The following MCPH1 variants were observed in gnomAD, a reference collection of about 807,000 sequenced individuals.
The protein encoded by MCPH1 is microcephalin 1.
In MCPH1, 104 loss-of-function variants were observed where a neutral mutation model predicts 84.5. The ratio of observed to expected loss-of-function variants is 1.23; its 90% CI spans 1.05 to 1.45. The LOEUF (loss-of-function observed/expected upper bound fraction) is 1.45. Among genes scored for constraint, MCPH1 ranks in the 40% most tolerant of loss-of-function variants. MCPH1 has a pLI of 0.00. For missense variants in MCPH1, 1,498 were observed against 1,005.7 expected, an observed-to-expected ratio of 1.49 and a Z score of -6.62; for synonymous variants, 514 against 366.8, an observed-to-expected ratio of 1.40 and a Z score of -4.58.
At chr8:6,519,283 C>T (rs988979323) in intron 12 of MCPH1, among the ~76,000 whole-genome samples, 4 of 152,098 alleles carry the variant, frequency 2.6e-5, no homozygotes, top group East Asian at 3.9e-4. Context: ...AAGACACCAC[C>T]GGTCTGTGGC....
At chr8:6,559,547 C>A (rs373037343) in intron 12 of MCPH1, among the ~76,000 whole-genome samples, 2 of 151,948 alleles carry the variant, frequency 1.3e-5, no homozygotes, top group Non-Finnish European at 2.9e-5. Flanking sequence ...TGTTTGCCTC[C>A]GTAGTAGGCA....
chr8:6,628,343 T>C (rs7011546), intron 13 of MCPH1, among the ~76,000 whole-genome samples: 2,322 of 151,496 alleles, frequency 0.015, 69 homozygotes, highest in African/African-American at 0.053. Flanking sequence ...TGGTGGCAGG[T>C]GCCTGTAGTC....
At chr8:6,627,412 C>A (rs1796819599) in intron 13 of MCPH1, 2 of 399,690 alleles carry the variant, frequency 5.0e-6, no homozygotes, top group Non-Finnish European at 3.4e-6. Flanking sequence ...GGTTTCCACA[C>A]CCAGGAGCTC....
chr8:6,507,826 G>A (rs2515411), intron 12 of MCPH1: 26,623 of 139,738 alleles, frequency 0.19, 2,937 homozygotes, highest in African/African-American at 0.32. Flanking sequence ...CAGGTGATCC[G>A]CCCTCCTTGG....
chr8:6,452,964 C>T (rs1355471296), intron 8 of MCPH1, among the ~76,000 whole-genome samples: 4 of 152,196 alleles, frequency 2.6e-5, no homozygotes, highest in Admixed American at 2.6e-4. Context: ...TGGATATAGC[C>T]AGCCATACCT....
chr8:6,411,219 A>C (rs1294592435), intron 2 of MCPH1, among the ~76,000 whole-genome samples: 2 of 152,176 alleles, frequency 1.3e-5, no homozygotes, highest in African/African-American at 4.8e-5. Context: ...TTTGAACTGT[A>C]CGGGTGCTGC....
intron 8 of MCPH1, chr8:6,446,548 A>C: frequency 1.0e-6 from 1 of 983,134 alleles, no homozygotes; most frequent in Non-Finnish European, 1.2e-6. Flanking sequence ...AACATATATT[A>C]AATTTGACAA....
chr8:6,455,253 G>C lies in MCPH1; in HGVS notation c.1935+1G>C. The C allele has an allele frequency of 6.3e-7, 1 of 1,596,104 alleles. No individual in the cohort carries two copies. The highest frequency in any genetic ancestry group is 8.6e-7 in the Non-Finnish European group (1 of 1,163,672). On this transcript the variant is annotated splice_donor_variant, in intron 9 of 13. Coordinates refer to ENST00000344683, the MANE Select transcript of MCPH1 (RefSeq NM_024596.5). LOFTEE classifies it high-confidence loss of function. ...GAAGAAAAGTGGGAGAGGCAAAAAG[G>C]TCAGTGTGTAAAAATATTATTTTAA...
At chr8:6,580,517 T>C (rs915323104) in intron 12 of MCPH1, among the ~76,000 whole-genome samples, 2 of 152,162 alleles carry the variant, frequency 1.3e-5, no homozygotes, top group African/African-American at 2.4e-5. Context: ...TAGCTGGGCA[T>C]GGTGGCGTGT....
intron 12 of MCPH1, among the ~76,000 whole-genome samples, chr8:6,575,777 G>A (rs1319288736): frequency 2.0e-5 from 3 of 152,178 alleles, no homozygotes; most frequent in Non-Finnish European, 4.4e-5. Context: ...TGTGAAGACA[G>A]ATACAGGAGG....
At chr8:6,474,273 T>G (rs1808146906) in intron 9 of MCPH1, 1 of 543,556 alleles carries the variant, frequency 1.8e-6, no homozygotes, top group Non-Finnish European at 3.4e-6. Flanking sequence ...TTAATGTATT[T>G]CAATCCTGAT....
chr8:6,496,046 A>G (rs921898385), intron 11 of MCPH1, among the ~76,000 whole-genome samples: 4 of 152,216 alleles, frequency 2.6e-5, no homozygotes, highest in Non-Finnish European at 4.4e-5. Context: ...ATTCAAGCAC[A>G]TTACACTTAT....
At chr8:6,543,967 G>A (rs1822076200) in intron 12 of MCPH1, among the ~76,000 whole-genome samples, 1 of 152,134 alleles carries the variant, frequency 6.6e-6, no homozygotes, top group Admixed American at 6.5e-5. Context: ...AATCTTTAAA[G>A]TTGCAATATA....
chr8:6,438,721 C>T (rs573470000), intron 5 of MCPH1, among the ~76,000 whole-genome samples: 4 of 152,284 alleles, frequency 2.6e-5, no homozygotes, highest in African/African-American at 9.6e-5. Flanking sequence ...ATATATTGTT[C>T]TTAGCACAGT....
chr8:6,570,574 T>G (rs977108172), intron 12 of MCPH1, among the ~76,000 whole-genome samples: 1 of 152,194 alleles, frequency 6.6e-6, no homozygotes, highest in African/African-American at 2.4e-5. Flanking sequence ...GACAATTATC[T>G]TTCTCCTTGC....
intron 13 of MCPH1, chr8:6,626,182 C>G (rs532843211): frequency 3.0e-6 from 3 of 985,214 alleles, no homozygotes; most frequent in Non-Finnish European, 3.6e-6. Flanking sequence ...TCAGCTCGCC[C>G]GCCACCCCAG....
At chr8:6,601,430 C>G (rs1305071155) in intron 12 of MCPH1, among the ~76,000 whole-genome samples, 4 of 152,038 alleles carry the variant, frequency 2.6e-5, no homozygotes, top group Admixed American at 2.6e-4. Context: ...ACCGGCTGCC[C>G]GTACGGGACT....
chr8:6,447,750 C>T (rs982485175), intron 8 of MCPH1, among the ~76,000 whole-genome samples: 14 of 152,142 alleles, frequency 9.2e-5, no homozygotes, highest in African/African-American at 2.9e-4. Context: ...TGGGGTTTCA[C>T]GTCTTGGCCA....
chr8:6,583,778 A>C (rs1219812678), intron 12 of MCPH1, among the ~76,000 whole-genome samples: 5 of 150,934 alleles, frequency 3.3e-5, no homozygotes, highest in Non-Finnish European at 7.4e-5. Flanking sequence ...TGGATGCAGA[A>C]GAGACAACTG....
Sources: gnomAD v4.1 joint callset for allele counts (sites outside exome capture counted in the v4.1 genomes callset) on GRCh38, gnomAD v4.1.1 for gene constraint, MANE v1.5 for transcripts, NCBI Gene and HGNC (gene_info 2026-07-23, HGNC 2026-07-21) for gene names.